The following MINK1 variants were observed in gnomAD, a reference collection of about 807,000 sequenced individuals.
MINK1 encodes misshapen-like kinase 1.
MINK1 carries 46 observed loss-of-function variants against 178.4 expected under a neutral mutation model. The observed-to-expected ratio is 0.26, with a 90% CI of 0.20 to 0.33. MINK1 has a LOEUF of 0.33. MINK1 is among the 10% of genes least tolerant of loss of function. The pLI, the probability that MINK1 is intolerant of heterozygous loss-of-function variation, is 1.00. For missense variants in MINK1, 1,366 were observed against 1,814.9 expected, an observed-to-expected ratio of 0.75 and a Z score of 4.49; for synonymous variants, 797 against 709.7, an observed-to-expected ratio of 1.12 and a Z score of -1.96.
rs953914620 is a variant in MINK1 at position 4,894,761 on chromosome 17, T to C, written c.2917+128T>C. ...GACCTCTCCCTTGGGCCCTAGCACC[T>C]GCCTGGGCACAGAGGCAAGGAAGAG... On this transcript the variant is annotated intron_variant, in intron 24 of 31. Transcript: ENST00000355280. The surrounding 1 kb of genome is among the most constrained non-coding windows in gnomAD (Gnocchi z 4.1). 2 of 749,210 alleles carry C rather than the reference T, an allele frequency of 2.7e-6. No individual in the cohort carries two copies. The highest frequency in any genetic ancestry group is 4.5e-6 in the Non-Finnish European group (2 of 446,484). 46.4% of individuals were successfully genotyped at this position (749,210 alleles called of 1,614,324 possible). A position where few individuals can be genotyped will look rare whatever the true frequency, so the allele number is the denominator to read the frequency against.
intron 1 of MINK1, among the ~76,000 whole-genome samples, chr17:4,854,434 G>C (rs72835022): frequency 0.073 from 11,092 of 152,208 alleles, 454 homozygotes; most frequent in Non-Finnish European, 0.094. Context: ...AGGAGGAGGG[G>C]AATAAATTCC....
chr17:4,879,467 AC>A (rs1227939303), intron 2 of MINK1, among the ~76,000 whole-genome samples: 3 of 152,132 alleles, frequency 2.0e-5, no homozygotes, highest in Non-Finnish European at 4.4e-5. Context: ...GGAAACAGGC[AC>A]CCCACCCGCA....
intron 1 of MINK1, among the ~76,000 whole-genome samples, chr17:4,860,564 G>A (rs1378024024): frequency 1.3e-5 from 2 of 152,202 alleles, no homozygotes; most frequent in Non-Finnish European, 2.9e-5. Flanking sequence ...TTGGGGAAAG[G>A]AAAGGAAAAT....
At chr17:4,868,184 C>T (rs919913209) in intron 1 of MINK1, among the ~76,000 whole-genome samples, 1 of 152,126 alleles carries the variant, frequency 6.6e-6, no homozygotes, top group Non-Finnish European at 1.5e-5. Flanking sequence ...ACCCAGTTGG[C>T]CAGGCTGGTC....
intron 1 of MINK1, among the ~76,000 whole-genome samples, chr17:4,867,268 C>T (rs1210115128): frequency 1.4e-5 from 2 of 147,268 alleles, no homozygotes; most frequent in African/African-American, 5.0e-5. Context: ...CTATCTCAGT[C>T]TCCTGAGTGG....
chr17:4,865,631 T>C (rs1914839668), intron 1 of MINK1, among the ~76,000 whole-genome samples: 1 of 148,476 alleles, frequency 6.7e-6, no homozygotes, highest in Non-Finnish European at 1.5e-5. Flanking sequence ...ACACCTGTAA[T>C]CTCAGCACTT....
intron 1 of MINK1, chr17:4,859,315 C>T (rs1913728840): frequency 3.0e-6 from 3 of 985,012 alleles, no homozygotes; most frequent in African/African-American, 1.7e-5. Flanking sequence ...TATGACTCAT[C>T]GGTCAGCAGA....
chr17:4,833,526 AG>A lies in MINK1; in HGVS notation c.-57del. On this transcript the variant is annotated 5_prime_UTR_variant, in exon 1 of 32. It adds an upstream start codon to the 5' untranslated region. Coordinates refer to ENST00000355280, the MANE Select transcript of MINK1 (RefSeq NM_153827.5). This position sits in a 1 kb window ranked among gnomAD's most constrained non-coding sequence, Gnocchi z 4.8. ...ATGGGGGAGAAGCGGCGACGGCGGC[AG>A]TGGAGTAACCGAGCCGGAGCGTGAG... is the stretch of plus-strand genomic sequence containing the variant. 1 of 1,395,820 alleles carries A rather than the reference AG, an allele frequency of 7.2e-7. No homozygotes were observed. The highest frequency in any genetic ancestry group is 9.6e-7 in the Non-Finnish European group (1 of 1,041,538). 86.5% of individuals were successfully genotyped at this position (1,395,820 alleles called of 1,614,324 possible).
At chr17:4,878,184 G>A (rs1172588805) in intron 1 of MINK1, 133 bp from the exon 2 acceptor site, 2 of 690,294 alleles carry the variant, frequency 2.9e-6, no homozygotes, top group Admixed American at 2.5e-5. Flanking sequence ...AGCCACCAGG[G>A]TTCCTGCCAC....
In MINK1 at chr17:4,886,131, A is replaced by C. The variant is rs774546396; in HGVS notation, c.706A>C (p.Met236Leu). Residue 236 changes from methionine (M) to leucine (L), a missense_variant, in exon 9 of 32, where the codon ATG (methionine) becomes CTG (leucine). By Grantham distance (15) the Met-to-Leu change is conservative (BLOSUM62 2). Transcript: ENST00000355280. This position sits in a 1 kb window ranked among gnomAD's most constrained non-coding sequence, Gnocchi z 6.1. ...TCCTCTGTGTCCAGCTCTGTGTGAC[A>C]TGCACCCCATGCGAGCCCTCTTCCT... ...MAEGAPPLCD[M>L]HPMRALFLIP... 6.2e-7 allele frequency: 1 copy of C among 1,613,766 alleles called. No individual in the cohort carries two copies. Among genetic ancestry groups the C allele is most frequent in the Non-Finnish European group, 8.5e-7 (1 of 1,179,862 alleles).
At chr17:4,872,790 C>T (rs1055152594) in intron 1 of MINK1, among the ~76,000 whole-genome samples, 5 of 152,046 alleles carry the variant, frequency 3.3e-5, no homozygotes, top group Non-Finnish European at 5.9e-5. Context: ...AAAATCAACT[C>T]CTCAAACATC....
chr17:4,865,592 A>T (rs1344286528), intron 1 of MINK1, among the ~76,000 whole-genome samples: 10 of 152,100 alleles, frequency 6.6e-5, no homozygotes, highest in African/African-American at 1.7e-4. Context: ...TATGAAAAAA[A>T]CATTAAAATA....
intron 1 of MINK1, among the ~76,000 whole-genome samples, chr17:4,860,431 A>C (rs1338526556): frequency 1.3e-5 from 2 of 152,106 alleles, no homozygotes; most frequent in African/African-American, 4.8e-5. Context: ...TCCCAACCGG[A>C]CAGCGTTCTG....
chr17:4,879,665 C>G (rs1967521430), intron 2 of MINK1, among the ~76,000 whole-genome samples: 1 of 152,194 alleles, frequency 6.6e-6, no homozygotes, highest in African/African-American at 2.4e-5. Context: ...CTCTCCAAGC[C>G]TTAGATGCTC....
chr17:4,839,154 A>G (rs867145199), intron 1 of MINK1, among the ~76,000 whole-genome samples: 9 of 152,168 alleles, frequency 5.9e-5, no homozygotes, highest in South Asian at 4.1e-4. Flanking sequence ...CGTGTTAGCC[A>G]GGATGGTCTT....
In MINK1 at chr17:4,881,025, C is replaced by A; in HGVS notation, c.165C>A (p.Val55=). 6.5e-7 allele frequency: 1 copy of A among 1,530,836 alleles called. No homozygotes were observed. The highest frequency in any genetic ancestry group is 1.2e-5 in the South Asian group (1 of 82,872). The allele number at this position is 1,530,836 out of a possible 1,614,324, so 94.8% of individuals were successfully genotyped here. A position where few individuals can be genotyped will look rare whatever the true frequency, so the allele number is the denominator to read the frequency against. ...VKTGQLAAIK[V]MDVTEDEEEE... is the part of the protein sequence containing the mutation. ...CGGGGCAGCTGGCTGCCATCAAGGTCATGGATGTCACGGAGGTAGGGAGTG... is the reference window on the plus strand; with the variant it reads ...CGGGGCAGCTGGCTGCCATCAAGGTAATGGATGTCACGGAGGTAGGGAGTG... The change falls in exon 3 of 32, where the codon GTC becomes GTA. Residue 55 remains valine, a synonymous_variant. Transcript: ENST00000355280.
At chr17:4,871,458 C>T (rs1446588961) in intron 1 of MINK1, among the ~76,000 whole-genome samples, 1 of 151,978 alleles carries the variant, frequency 6.6e-6, no homozygotes, top group East Asian at 1.9e-4. Flanking sequence ...GTGATCCTCC[C>T]GCCTCTGCCT....
chr17:4,876,796 G>A (rs940829699), intron 1 of MINK1, among the ~76,000 whole-genome samples: 1 of 152,038 alleles, frequency 6.6e-6, no homozygotes, highest in African/African-American at 2.4e-5. Context: ...TGTCAGAACT[G>A]TCGGCTCTGA....
Position 4,894,361 on chromosome 17 carries a change from G to T in MINK1, c.2808+50G>T, listed in dbSNP as rs1969204562. 1.9e-6 allele frequency: 3 copies of T among 1,588,552 alleles called. No individual in the cohort carries two copies. Among genetic ancestry groups the T allele is most frequent in the Non-Finnish European group, 2.6e-6 (3 of 1,168,758 alleles). On this transcript the variant is annotated intron_variant, in intron 23 of 31. Coordinates refer to ENST00000355280, the MANE Select transcript of MINK1 (RefSeq NM_153827.5). This position sits in a 1 kb window ranked among gnomAD's most constrained non-coding sequence, Gnocchi z 4.1. ...CCGGGAGAGAAGAGCCCTGGCGATG[G>T]GCAGGAGGTCCCGGTGCTGGGTAAC... is the stretch of plus-strand genomic sequence containing the variant.
Sources: allele counts gnomAD v4.1 joint callset (sites outside exome capture counted in the v4.1 genomes callset), GRCh38; gene constraint gnomAD v4.1.1; non-coding constraint Gnocchi (gnomAD v3.1); transcripts MANE v1.5; gene names NCBI Gene and HGNC (gene_info 2026-07-23, HGNC 2026-07-21).